TBX2: variants seen among roughly 807,000 people sequenced by gnomAD.
The protein encoded by TBX2 is T-box transcription factor TBX2.
In TBX2, 19 loss-of-function variants were observed where a neutral mutation model predicts 48.4. The observed-to-expected ratio is 0.39, with a 90% CI of 0.27 to 0.58. The LOEUF is 0.58. TBX2 is among the 20% of genes least tolerant of loss of function. The pLI is 0.54. For synonymous variants in TBX2, 522 were observed against 459.7 expected, an observed-to-expected ratio of 1.14 and a Z score of -1.73; for missense variants, 994 against 1,006.5, an observed-to-expected ratio of 0.99 and a Z score of 0.17.
intron 6 of TBX2, chr17:61,407,576 G>A (rs1394637427): frequency 1.3e-5 from 2 of 154,434 alleles, no homozygotes; most frequent in African/African-American, 4.8e-5. Context: ...ACCATGAGCA[G>A]GCAGAAGGAG....
chr17:61,408,357 C>A lies in TBX2; in HGVS notation c.1990C>A (p.Leu664Ile), dbSNP rs753175622. The change falls in exon 7 of 7, where the codon CTC becomes ATC. Residue 664 changes from leucine (L) to isoleucine (I), a missense_variant. This residue lies in a region of TBX2 where 639 missense variants were observed against 613.2 expected (regional missense o/e 1.04). Transcript: ENST00000240328. ...REPSPLPELA[L>I]RKVGAPSRGA... is the part of the protein sequence containing the mutation. ...GCCTAGCCCCCTGCCCGAGCTGGCT[C>A]TCCGCAAAGTAGGGGCCCCATCCCG... The A allele has an allele frequency of 1.5e-5, 24 of 1,590,126 alleles. No individual in the cohort carries two copies. The highest frequency in any genetic ancestry group is 2.0e-5 in the Non-Finnish European group (23 of 1,169,490).
rs1603241366 is a variant in TBX2 at position 61,404,321 on chromosome 17, G to A, written c.811-100G>A. ...GTGGGTACCAAGTGGACGCTCCCCG[G>A]GTCTTCCCTCTGCGGCCAGCACCCG... On this transcript the variant is annotated intron_variant, in intron 3 of 6. Coordinates refer to ENST00000240328, the MANE Select transcript of TBX2 (RefSeq NM_005994.4). The A allele has an allele frequency of 6.3e-6, 9 of 1,420,162 alleles. No individual in the cohort carries two copies. The East Asian group carries it at 2.3e-4, about 36-fold the overall frequency. The allele number at this position is 1,420,162 out of a possible 1,614,324, so 88.0% of individuals were successfully genotyped here.
chr17:61,406,760 G>A lies in TBX2; in HGVS notation c.1686+924G>A, dbSNP rs2060290863. ...TGGGTGGGGGGGTGGGGGGTTGGGA[G>A]GCAGGCGATTCTGAAATGAGTTTTA... On this transcript the variant is annotated intron_variant, in intron 6 of 6. Transcript: ENST00000240328. This position sits in a 1 kb window ranked among gnomAD's most constrained non-coding sequence, Gnocchi z 5.7. 1 of 150,620 alleles carries A rather than the reference G, an allele frequency of 6.6e-6. No homozygotes were observed. The highest frequency in any genetic ancestry group is 6.6e-5 in the Admixed American group (1 of 15,144). 9.3% of individuals were successfully genotyped at this position (150,620 alleles called of 1,614,324 possible).
Position 61,400,112 on chromosome 17 carries a change from G to T in TBX2, c.-65G>T. On this transcript the variant is annotated 5_prime_UTR_variant, in exon 1 of 7. Coordinates refer to ENST00000240328, the MANE Select transcript of TBX2 (RefSeq NM_005994.4). This position sits in a 1 kb window ranked among gnomAD's most constrained non-coding sequence, Gnocchi z 9.2. ...CACCGCGCGCGCCGCCGCCCGGGCC[G>T]GGGGTCCGAGCCGCGCGCCCCCGGC... The T allele has an allele frequency of 1.1e-6, 1 of 899,896 alleles. No individual in the cohort carries two copies. Among genetic ancestry groups the T allele is most frequent in the South Asian group, 4.9e-5 (1 of 20,346 alleles). 55.7% of individuals were successfully genotyped at this position (899,896 alleles called of 1,614,324 possible).
Position 61,403,218 on chromosome 17 carries a change from C to T in TBX2, c.810+11C>T. On this transcript the variant is annotated intron_variant, in intron 3 of 6. Coordinates refer to ENST00000240328, the MANE Select transcript of TBX2 (RefSeq NM_005994.4). This position sits in a 1 kb window ranked among gnomAD's most constrained non-coding sequence, Gnocchi z 5.8. ...TACCAGAATGACAAGGTGCGCGCGGCGGGCGGTGGGCTAAGCCCCTGCACT... is the reference window on the plus strand; with the variant it reads ...TACCAGAATGACAAGGTGCGCGCGGTGGGCGGTGGGCTAAGCCCCTGCACT... 1.2e-6 allele frequency: 2 copies of T among 1,611,592 alleles called. No individual in the cohort carries two copies. Among genetic ancestry groups the T allele is most frequent in the Non-Finnish European group, 1.7e-6 (2 of 1,179,896 alleles).
At position 61,405,246 on chromosome 17, in the gene TBX2, C is replaced by A. The variant is rs1417460765; in HGVS notation, c.1096C>A (p.Arg366=). The change falls in exon 6 of 7, where the codon CGG becomes AGG. Residue 366 remains arginine, a synonymous_variant. Transcript: ENST00000240328. ...CGCGGACAGCGACCCGGAGCCTGAG[C>A]GGTTGAGCGAGGAGCGTGCGGGGGC... The part of the protein sequence containing the change: ...CAADSDPEPE[R]LSEERAGAPL... 1 of 1,570,958 alleles carries A rather than the reference C, an allele frequency of 6.4e-7. No homozygotes were observed. The highest frequency in any genetic ancestry group is 8.6e-7 in the Non-Finnish European group (1 of 1,166,682).
Position 61,406,740 on chromosome 17 carries a change from G to A in TBX2, c.1686+904G>A, listed in dbSNP as rs913869500. 1 of 34,194 alleles carries A rather than the reference G, an allele frequency of 2.9e-5. No individual in the cohort carries two copies. The highest frequency in any genetic ancestry group is 5.1e-5 in the African/African-American group (1 of 19,724). The allele number at this position is 34,194 out of a possible 1,614,324, so 2.1% of individuals were successfully genotyped here. On this transcript the variant is annotated intron_variant, in intron 6 of 6. Coordinates refer to ENST00000240328, the MANE Select transcript of TBX2 (RefSeq NM_005994.4). The surrounding 1 kb of genome is among the most constrained non-coding windows in gnomAD (Gnocchi z 5.7). ...TATTTTAAAAGTTGGGTTGGTGGGTGGGGGGGTGGGGGGTTGGGAGGCAGG... is the reference window on the plus strand; with the variant it reads ...TATTTTAAAAGTTGGGTTGGTGGGTAGGGGGGTGGGGGGTTGGGAGGCAGG...
In TBX2 at chr17:61,405,548, C is replaced by G; in HGVS notation, c.1398C>G (p.Pro466=). 1 of 1,594,160 alleles carries G rather than the reference C, an allele frequency of 6.3e-7. No homozygotes were observed. The highest frequency in any genetic ancestry group is 2.3e-5 in the East Asian group (1 of 44,218). Residue 466 remains proline, a synonymous_variant, in exon 6 of 7, where the codon CCC becomes CCG. Coordinates refer to ENST00000240328, the MANE Select transcript of TBX2 (RefSeq NM_005994.4). The stretch of plus-strand genomic sequence containing the variant: ...CCCCCCTGGGCGCCGGACACCTGCC[C>G]GGCCTGGCCTTTTCCAGCCACTTGC... ...SASPLGAGHL[P]GLAFSSHLHG...
chr17:61,405,018 C>T (rs1197298232), intron 5 of TBX2, 184 bp from the exon 6 acceptor site: 2 of 1,356,436 alleles, frequency 1.5e-6, no homozygotes, highest in East Asian at 5.0e-5. Flanking sequence ...GTTTCCTCTC[C>T]AGGGCTGGGT....
Position 61,401,889 on chromosome 17 carries a change from G to A in TBX2, c.601G>A (p.Ala201Thr), listed in dbSNP as rs759023058. ...DSPATGEQWM[A>T]KPVAFHKLKL... Reference sequence around the variant, plus strand: ...CCCAGCCACGGGGGAGCAGTGGATGGCTAAGCCTGTGGCCTTCCACAAGCT... The same window carrying A: ...CCCAGCCACGGGGGAGCAGTGGATGACTAAGCCTGTGGCCTTCCACAAGCT... Residue 201 changes from alanine (A) to threonine (T), a missense_variant, in exon 2 of 7, where the codon GCT (alanine) becomes ACT (threonine). By Grantham distance (58) the Ala-to-Thr change is moderately conservative (BLOSUM62 0). This residue lies in a region of TBX2 where 153 missense variants were observed against 166.2 expected (regional missense o/e 0.92). Coordinates refer to ENST00000240328, the MANE Select transcript of TBX2 (RefSeq NM_005994.4). 6.2e-7 allele frequency: 1 copy of A among 1,612,728 alleles called. No homozygotes were observed. Among genetic ancestry groups the A allele is most frequent in the East Asian group, 2.2e-5 (1 of 44,880 alleles).
chr17:61,401,602 A>G (rs1326719146), intron 1 of TBX2, 82 bp from the exon 2 acceptor site: 1 of 1,512,254 alleles, frequency 6.6e-7, no homozygotes, highest in Non-Finnish European at 8.8e-7. Flanking sequence ...CGCAACGAGG[A>G]GGGATAAATA....
chr17:61,407,864 C>T, intron 6 of TBX2, 190 bp from the exon 7 acceptor site: 1 of 655,788 alleles, frequency 1.5e-6, no homozygotes, highest in East Asian at 2.8e-5. Context: ...CGATCTCACC[C>T]TTCTAACTGG....
chr17:61,404,833 G>T (rs1247130940), intron 5 of TBX2, 64 bp downstream of exon 5: 2 of 1,529,558 alleles, frequency 1.3e-6, no homozygotes, highest in East Asian at 2.4e-5. Context: ...TCGCTGGGCT[G>T]GTCTTTTGCT....
Position 61,406,156 on chromosome 17 carries a change from CCTCACAGACCAGGGCCA to C in TBX2, c.1686+322_1686+338del. The C allele has an allele frequency of 3.4e-6, 1 of 296,938 alleles. No individual in the cohort carries two copies. 18.4% of individuals were successfully genotyped at this position (296,938 alleles called of 1,614,324 possible). ...CGGTGCCCATCGAGACTCTTCTCAC[CCTCACAGACCAGGGCCA>C]CCCCTGGCTTGTGAAGTCTTCTCTC... On this transcript the variant is annotated intron_variant, in intron 6 of 6. Transcript: ENST00000240328. This position sits in a 1 kb window ranked among gnomAD's most constrained non-coding sequence, Gnocchi z 5.7.
chr17:61,405,091 C>G (rs1395075699), intron 5 of TBX2, 111 bp from the exon 6 acceptor site: 25 of 1,508,676 alleles, frequency 1.7e-5, no homozygotes, highest in African/African-American at 2.8e-5. Flanking sequence ...TGCCCGACTC[C>G]AGCAGCTCCT....
chr17:61,405,730 G>A lies in TBX2; in HGVS notation c.1580G>A (p.Gly527Glu). ...GGGNGGGGGPGTAAGLDAGGL... is the reference protein window; with the variant it reads ...GGGNGGGGGPETAAGLDAGGL... ...GGCAACGGCGGAGGTGGCGGGCCTG[G>A]GACCGCCGCGGGGCTGGACGCAGGC... Residue 527 changes from glycine (G) to glutamate (E), a missense_variant, in exon 6 of 7, where the codon GGG becomes GAG. Physicochemically the swap from Gly to Glu is moderately conservative, Grantham distance 98 (BLOSUM62 -2). Transcript: ENST00000240328. The A allele has an allele frequency of 4.4e-6, 6 of 1,369,078 alleles. No individual in the cohort carries two copies. Among genetic ancestry groups the A allele is most frequent in the Non-Finnish European group, 5.6e-6 (6 of 1,067,150 alleles). The allele number at this position is 1,369,078 out of a possible 1,614,324, so 84.8% of individuals were successfully genotyped here.
At chr17:61,404,958 C>T (rs918461536) in intron 5 of TBX2, 189 bp downstream of exon 5, 11 of 1,233,990 alleles carry the variant, frequency 8.9e-6, no homozygotes, top group African/African-American at 8.9e-5. Context: ...AAGATCCGGC[C>T]GGACTCCGAG....
intron 2 of TBX2, among the ~76,000 whole-genome samples, chr17:61,402,525 C>G (rs1274383152): frequency 6.6e-6 from 1 of 151,596 alleles, no homozygotes; most frequent in Non-Finnish European, 1.5e-5. Context: ...AAGGCCCCAG[C>G]GAACGGGGGT....
In TBX2 at chr17:61,400,435, G is replaced by A. The variant is rs2060259664; in HGVS notation, c.259G>A (p.Ala87Thr). 6.4e-7 allele frequency: 1 copy of A among 1,574,594 alleles called. No homozygotes were observed. Among genetic ancestry groups the A allele is most frequent in the African/African-American group, 1.3e-5 (1 of 74,256 alleles). ...VSALGPHPPA[A>T]HLRSLKSLEP... ...GGCACTGGGCCCGCACCCGCCCGCCGCGCATCTGCGCTCCCTCAAGAGCCT... is the reference window on the plus strand; with the variant it reads ...GGCACTGGGCCCGCACCCGCCCGCCACGCATCTGCGCTCCCTCAAGAGCCT... Residue 87 changes from alanine (A) to threonine (T), a missense_variant, in exon 1 of 7, where the codon GCG becomes ACG. Ala to Thr is a moderately conservative substitution (Grantham distance 58). This residue lies in a region of TBX2 where 165 missense variants were observed against 136.8 expected (regional missense o/e 1.21). Coordinates refer to ENST00000240328, the MANE Select transcript of TBX2 (RefSeq NM_005994.4). The surrounding 1 kb of genome is among the most constrained non-coding windows in gnomAD (Gnocchi z 9.2).
Sources: gnomAD v4.1 joint callset for allele counts (sites outside exome capture counted in the v4.1 genomes callset) on GRCh38, gnomAD v4.1.1 for gene constraint, gnomAD v4.1.1 regional missense constraint, Gnocchi (gnomAD v3.1) non-coding constraint, MANE v1.5 for transcripts, NCBI Gene and HGNC (gene_info 2026-07-23, HGNC 2026-07-21) for gene names.